Variants in SOHLH2 observed in about 807,000 individuals in gnomAD.
The protein encoded by SOHLH2 is spermatogenesis and oogenesis specific basic helix-loop-helix 2.
SOHLH2 carries 22 observed loss-of-function variants against 50.4 expected under a neutral mutation model. The ratio of observed to expected loss-of-function variants is 0.44; its 90% CI spans 0.31 to 0.62. The LOEUF (loss-of-function observed/expected upper bound fraction) is 0.62, where lower values mean the gene tolerates loss of function less well. Ranked by LOEUF, SOHLH2 falls within the 20% of genes least tolerant of loss-of-function variation. The probability of loss-of-function intolerance (pLI) is 0.08; values close to 1 mark genes in which losing one functional copy is unlikely to be tolerated. For synonymous variants in SOHLH2, 185 were observed against 187.3 expected (o/e 0.99, Z 0.10); for missense variants, 412 against 504.4 (o/e 0.82, Z 1.76).
chr13:36,190,167 T>A, intron 5 of SOHLH2, 111 bp from the exon 6 acceptor site: 1 of 931,662 alleles, frequency 1.1e-6, no homozygotes, highest in Non-Finnish European at 1.5e-6. Flanking sequence ...GTCTCTTGCT[T>A]CATACAAAGG....
At position 36,173,784 on chromosome 13, in the gene SOHLH2, G is replaced by A. The variant is rs1459192614; in HGVS notation, c.908C>T (p.Ser303Phe). 2.5e-6 allele frequency: 4 copies of A among 1,613,962 alleles called. No individual in the cohort carries two copies. The Admixed American group carries it at 6.7e-5, about 27-fold the overall frequency. The change falls in exon 9 of 11, where the codon TCC becomes TTC. Residue 303 changes from serine (S) to phenylalanine (F), a missense_variant. By Grantham distance (155) the Ser-to-Phe change is radical. Transcript: ENST00000379881. ...QRENSVMSTYSPERGLQFLTN... is the reference protein window; with the variant it reads ...QRENSVMSTYFPERGLQFLTN... ...CAGGAATTGGAGCCCTCTCTCAGGG[G>A]AGTAAGTGCTCATCACACTGTTTTC...
intron 2 of SOHLH2, among the ~76,000 whole-genome samples, chr13:36,194,222 AATATATATATAATT>A (rs1213566133): frequency 1.3e-5 from 2 of 151,972 alleles, no homozygotes; most frequent in Non-Finnish European, 2.9e-5. Flanking sequence ...ACTCCTTTTA[AATATATATATAATT>A]AAAGAACAAG....
At chr13:36,197,972 C>G (rs1566043663) in intron 2 of SOHLH2, among the ~76,000 whole-genome samples, 1 of 152,266 alleles carries the variant, frequency 6.6e-6, no homozygotes, top group East Asian at 1.9e-4. Flanking sequence ...AGGAGTAGGT[C>G]ATGTAAACTA....
At chr13:36,192,443 T>A (rs921738105) in intron 4 of SOHLH2, among the ~76,000 whole-genome samples, 8 of 152,102 alleles carry the variant, frequency 5.3e-5, no homozygotes, top group East Asian at 3.9e-4. Flanking sequence ...GTCACCAAAG[T>A]TAGCCATTTC....
intron 4 of SOHLH2, 21 bp downstream of exon 4, chr13:36,193,600 C>T: frequency 6.4e-7 from 1 of 1,573,016 alleles, no homozygotes; most frequent in Non-Finnish European, 8.6e-7. Context: ...ATTTTGAAAC[C>T]TTTGGAAATT....
intron 4 of SOHLH2, among the ~76,000 whole-genome samples, chr13:36,193,294 C>T (rs1295063559): frequency 6.6e-6 from 1 of 152,140 alleles, no homozygotes; most frequent in African/African-American, 2.4e-5. Context: ...GGGCCCCTGG[C>T]TTTTAGATAA....
intron 6 of SOHLH2, among the ~76,000 whole-genome samples, chr13:36,178,349 T>A (rs918452278): frequency 1.3e-5 from 2 of 152,150 alleles, no homozygotes; most frequent in African/African-American, 4.8e-5. Flanking sequence ...CAGATGGATA[T>A]CTAGTTGTTC....
intron 2 of SOHLH2, among the ~76,000 whole-genome samples, chr13:36,200,975 G>C (rs1377942462): frequency 4.7e-5 from 7 of 149,786 alleles, no homozygotes; most frequent in African/African-American, 1.5e-4. Context: ...CTTGAACCCG[G>C]GAGGTGCAGG....
In SOHLH2 at chr13:36,202,517, G is replaced by C. The variant is rs140154346; in HGVS notation, c.49-424C>G. On this transcript the variant is annotated intron_variant, in intron 1 of 10. Transcript: ENST00000379881. The stretch of plus-strand genomic sequence containing the variant: ...GGTGAAACACACATTCCAGGGAACA[G>C]AGAAAGATTTAAATTCCTAAATCAT... Among the ~76,000 whole-genome samples, 12 of 152,306 alleles carry C rather than the reference G, an allele frequency of 7.9e-5. No individual in the cohort carries two copies. The East Asian group carries it at 2.3e-3, about 29-fold the overall frequency.
At chr13:36,188,333 G>C (rs1380478010) in intron 6 of SOHLH2, among the ~76,000 whole-genome samples, 1 of 152,188 alleles carries the variant, frequency 6.6e-6, no homozygotes, top group Non-Finnish European at 1.5e-5. Context: ...CAGATAACTA[G>C]AATATGAGGA....
intron 8 of SOHLH2, 111 bp downstream of exon 8, chr13:36,174,365 A>G: frequency 7.0e-7 from 1 of 1,420,022 alleles, no homozygotes. Context: ...GCTGACCCTT[A>G]ATAAGCCCCT....
At chr13:36,202,230 G>A in intron 1 of SOHLH2, 137 bp from the exon 2 acceptor site, 1 of 1,075,948 alleles carries the variant, frequency 9.3e-7, no homozygotes, top group Non-Finnish European at 1.3e-6. Context: ...CTGGCTAGAT[G>A]GTCAACTATA....
chr13:36,191,909 A>G lies in SOHLH2; in HGVS notation c.431-15T>C. ...TTCAGTCTTAACTGAAAGTTTTGAG[A>G]GGGGAACTATTTATTTCTGAAGTCA... On this transcript the variant is annotated splice_polypyrimidine_tract_variant and intron_variant, in intron 4 of 10. Coordinates refer to ENST00000379881, the MANE Select transcript of SOHLH2 (RefSeq NM_017826.3). 1 of 1,613,684 alleles carries G rather than the reference A, an allele frequency of 6.2e-7. No homozygotes were observed. The highest frequency in any genetic ancestry group is 8.5e-7 in the Non-Finnish European group (1 of 1,179,664).
chr13:36,210,228 C>T (rs2138334094), intron 1 of SOHLH2, among the ~76,000 whole-genome samples: 1 of 152,276 alleles, frequency 6.6e-6, no homozygotes, highest in South Asian at 2.1e-4. Context: ...CCAACCTGGC[C>T]TGGGAGTTCT....
At chr13:36,172,235 C>T (rs559005965) in intron 9 of SOHLH2, among the ~76,000 whole-genome samples, 3 of 152,280 alleles carry the variant, frequency 2.0e-5, no homozygotes, top group African/African-American at 7.2e-5. Flanking sequence ...TTCTGCAGGA[C>T]ATAAATAGTA....
intron 1 of SOHLH2, among the ~76,000 whole-genome samples, chr13:36,203,954 GTTTTT>G (rs3080977): frequency 9.0e-6 from 1 of 111,128 alleles, no homozygotes; most frequent in Non-Finnish European, 1.8e-5. Context: ...CTTTTTTTTT[GTTTTT>G]TTTTTTTTTT....
rs1314742720 is a variant in SOHLH2, at chr13:36,168,323, C to G, written c.*711G>C. 1.3e-5 allele frequency: 2 copies of G among 152,100 alleles called. No individual in the cohort carries two copies. Among genetic ancestry groups the G allele is most frequent in the Non-Finnish European group, 2.9e-5 (2 of 68,022 alleles). The allele number at this position is 152,100 out of a possible 1,614,324, so 9.4% of individuals were successfully genotyped here. On this transcript the variant is annotated 3_prime_UTR_variant, in exon 11 of 11. Coordinates refer to ENST00000379881, the MANE Select transcript of SOHLH2 (RefSeq NM_017826.3). ...TCCCCCTTATTTTCAACTGTCCTTT[C>G]TAATACCCATAGGGAGGAAGAGATG... is the stretch of plus-strand genomic sequence containing the variant.
chr13:36,200,009 A>G (rs1887850042), intron 2 of SOHLH2, among the ~76,000 whole-genome samples: 1 of 152,168 alleles, frequency 6.6e-6, no homozygotes, highest in Non-Finnish European at 1.5e-5. Context: ...ACAAAAGTCA[A>G]TTAATTACAG....
chr13:36,170,739 GT>G lies in SOHLH2; in HGVS notation c.1048del (p.Thr350LeufsTer10), dbSNP rs1183018506. 6.2e-7 allele frequency: 1 copy of G among 1,614,076 alleles called. No individual in the cohort carries two copies. Among genetic ancestry groups the G allele is most frequent in the Admixed American group, 1.7e-5 (1 of 60,014 alleles). On this transcript the variant is annotated frameshift_variant, in exon 10 of 11. Coordinates refer to ENST00000379881, the MANE Select transcript of SOHLH2 (RefSeq NM_017826.3). LOFTEE classifies it high-confidence loss of function. ...SENAIGDPYK[T>X]HISSAALSLN... ...AGACAGCGCTGCACTGGAAATGTGA[GT>G]TTTATATGGATCACCAATAGCATTC...
Sources: gnomAD v4.1 joint callset for allele counts (sites outside exome capture counted in the v4.1 genomes callset) on GRCh38, gnomAD v4.1.1 for gene constraint, MANE v1.5 for transcripts, NCBI Gene and HGNC (gene_info 2026-07-23, HGNC 2026-07-21) for gene names.